Variants in SLC35F3 observed in about 807,000 individuals in gnomAD.
SLC35F3 encodes putative thiamine transporter SLC35F3.
In SLC35F3, 25 loss-of-function variants were observed where a neutral mutation model predicts 49.9. The observed-to-expected ratio is 0.50, with a 90% CI of 0.37 to 0.70. SLC35F3 has a LOEUF of 0.70. SLC35F3 is among the 30% of genes least tolerant of loss of function. The probability of loss-of-function intolerance (pLI) is 0.00; values close to 1 mark genes in which losing one functional copy is unlikely to be tolerated. For synonymous variants in SLC35F3, 275 were observed against 265.4 expected, an observed-to-expected ratio of 1.04 and a Z score of -0.35; for missense variants, 525 against 639.8, an observed-to-expected ratio of 0.82 and a Z score of 1.94.
intron 2 of SLC35F3, among the ~76,000 whole-genome samples, chr1:234,069,151 T>C (rs1398212990): frequency 3.7e-5 from 5 of 134,382 alleles, no homozygotes; most frequent in Non-Finnish European, 6.2e-5. Flanking sequence ...ATAATATATT[T>C]ATAGACAATA....
At position 234,214,675 on chromosome 1, in the gene SLC35F3, G is replaced by T. The variant is rs1436040909; in HGVS notation, c.284-16742G>T. The T allele has an allele frequency of 6.4e-6, 9 of 1,398,422 alleles. No homozygotes were observed. The South Asian group carries it at 1.1e-4, about 17-fold the overall frequency. The allele number at this position is 1,398,422 out of a possible 1,614,324, so 86.6% of individuals were successfully genotyped here. A position where few individuals can be genotyped will look rare whatever the true frequency, so the allele number is the denominator to read the frequency against. ...TGGCTGCGGGGCGCCGGGGCTGGGG[G>T]TACTGCTCCCCCAGGACGCGGCTCC... On this transcript the variant is annotated intron_variant, in intron 2 of 7. Coordinates refer to ENST00000366618, the MANE Select transcript of SLC35F3 (RefSeq NM_173508.4). This position sits in a 1 kb window ranked among gnomAD's most constrained non-coding sequence, Gnocchi z 8.0.
At chr1:234,216,604 G>T (rs1366837892) in intron 2 of SLC35F3, among the ~76,000 whole-genome samples, 2 of 152,230 alleles carry the variant, frequency 1.3e-5, no homozygotes, top group Non-Finnish European at 2.9e-5. Flanking sequence ...CCTCGCCACG[G>T]GCTTGGCTTT....
chr1:234,108,297 A>G (rs1194921998), intron 2 of SLC35F3, among the ~76,000 whole-genome samples: 9 of 109,454 alleles, frequency 8.2e-5, no homozygotes, highest in African/African-American at 2.3e-4. Flanking sequence ...ATATATAAAG[A>G]TATATATTTA....
chr1:234,160,435 C>T (rs1666209048), intron 2 of SLC35F3, among the ~76,000 whole-genome samples: 1 of 152,284 alleles, frequency 6.6e-6, no homozygotes, highest in Non-Finnish European at 1.5e-5. Flanking sequence ...GCCTCAACTC[C>T]AAAGGTGAAG....
intron 3 of SLC35F3, among the ~76,000 whole-genome samples, chr1:234,293,404 A>G (rs756657593): frequency 1.8e-4 from 28 of 152,238 alleles, no homozygotes; most frequent in Non-Finnish European, 3.7e-4. Context: ...AAAACATCCA[A>G]AAACAAGGAT....
chr1:234,011,309 A>G (rs1355242641), intron 2 of SLC35F3, among the ~76,000 whole-genome samples: 1 of 152,250 alleles, frequency 6.6e-6, no homozygotes, highest in East Asian at 1.9e-4. Context: ...TTCAAAAATA[A>G]TTACAGATAT....
At chr1:233,970,926 A>G (rs960956003) in intron 2 of SLC35F3, among the ~76,000 whole-genome samples, 4 of 152,224 alleles carry the variant, frequency 2.6e-5, no homozygotes, top group South Asian at 2.1e-4. Context: ...ACTGTGTTCA[A>G]TTCCTAAACT....
chr1:234,068,896 ATAT>A (rs1664664028), intron 2 of SLC35F3, among the ~76,000 whole-genome samples: 1 of 128,638 alleles, frequency 7.8e-6, no homozygotes, highest in South Asian at 2.3e-4. Flanking sequence ...TTATATTTAT[ATAT>A]TATATATATT....
intron 3 of SLC35F3, among the ~76,000 whole-genome samples, chr1:234,254,222 G>A (rs531328769): frequency 3.5e-4 from 53 of 152,134 alleles, no homozygotes; most frequent in African/African-American, 1.3e-3. Context: ...ACTTCCCTAT[G>A]CACTGGCTTT....
At chr1:234,216,096 C>T (rs984596281) in intron 2 of SLC35F3, among the ~76,000 whole-genome samples, 2 of 152,220 alleles carry the variant, frequency 1.3e-5, no homozygotes, top group African/African-American at 4.8e-5. Context: ...CAAGTGCTAC[C>T]TCTTCCAGGG....
intron 3 of SLC35F3, among the ~76,000 whole-genome samples, chr1:234,270,058 C>T (rs1668074922): frequency 6.6e-6 from 1 of 152,194 alleles, no homozygotes; most frequent in African/African-American, 2.4e-5. Context: ...CTAACCTTCA[C>T]ATCTTCATTA....
chr1:234,015,615 G>T (rs1438348262), intron 2 of SLC35F3, among the ~76,000 whole-genome samples: 2 of 152,132 alleles, frequency 1.3e-5, no homozygotes, highest in East Asian at 1.9e-4. Flanking sequence ...ACATGCAGAA[G>T]AATGAAATTG....
Position 234,124,233 on chromosome 1 carries a change from G to A in SLC35F3, c.284-107184G>A, listed in dbSNP as rs190567494. 2.5e-3 allele frequency among the ~76,000 whole-genome samples: 374 copies of A among 152,310 alleles called. 7 individuals carry two copies. Among genetic ancestry groups the A allele is most frequent in the East Asian group, 3.9e-3 (20 of 5,188 alleles). Reference sequence around the variant, plus strand: ...GTGCTCTCCTAGCCAGTTCCCAAACGCCTTCTAGGTAACTCGGTCCTGTTA... The same window carrying A: ...GTGCTCTCCTAGCCAGTTCCCAAACACCTTCTAGGTAACTCGGTCCTGTTA... On this transcript the variant is annotated intron_variant, in intron 2 of 7. Coordinates refer to ENST00000366618, the MANE Select transcript of SLC35F3 (RefSeq NM_173508.4).
chr1:234,207,843 G>C (rs1023952280), intron 2 of SLC35F3, among the ~76,000 whole-genome samples: 1 of 151,984 alleles, frequency 6.6e-6, no homozygotes, highest in South Asian at 2.1e-4. Flanking sequence ...CTCTACAAAA[G>C]AAATAATTTT....
At chr1:234,203,607 A>G (rs12070104) in intron 2 of SLC35F3, among the ~76,000 whole-genome samples, 25,700 of 151,980 alleles carry the variant, frequency 0.17, 4,139 homozygotes, top group East Asian at 0.88. Flanking sequence ...GCTTCTCAGG[A>G]GGCTGAGGCA....
At chr1:234,218,265 T>C (rs1175384176) in intron 2 of SLC35F3, among the ~76,000 whole-genome samples, 3 of 152,160 alleles carry the variant, frequency 2.0e-5, no homozygotes, top group African/African-American at 4.8e-5. Flanking sequence ...TAGGGATTAA[T>C]CATTGAGAAC....
At chr1:233,905,229 C>T (rs909527325) in intron 1 of SLC35F3, 99 bp downstream of exon 1, 141 of 1,290,912 alleles carry the variant, frequency 1.1e-4, no homozygotes, top group Non-Finnish European at 1.3e-4. Context: ...GTCTGAGGCT[C>T]GGGGAAGGGC....
intron 2 of SLC35F3, among the ~76,000 whole-genome samples, chr1:234,187,205 C>G (rs1339187731): frequency 1.3e-5 from 2 of 152,302 alleles, no homozygotes; most frequent in East Asian, 3.9e-4. Context: ...AACAAGCAAC[C>G]AACCACCACA....
At chr1:234,240,468 G>C (rs1667536112) in intron 3 of SLC35F3, among the ~76,000 whole-genome samples, 1 of 151,854 alleles carries the variant, frequency 6.6e-6, no homozygotes, top group Non-Finnish European at 1.5e-5. Flanking sequence ...AGCTGGACAT[G>C]GTGGCACGTC....
Sources: gnomAD v4.1 joint callset for allele counts (sites outside exome capture counted in the v4.1 genomes callset) on GRCh38, gnomAD v4.1.1 for gene constraint, Gnocchi (gnomAD v3.1) non-coding constraint, MANE v1.5 for transcripts, NCBI Gene and HGNC (gene_info 2026-07-23, HGNC 2026-07-21) for gene names.